Variants in PHF14 observed in about 807,000 individuals in gnomAD.
PHF14 encodes PHD finger protein 14.
In PHF14, 55 loss-of-function variants were observed where a neutral mutation model predicts 117.9. That is an observed-to-expected ratio of 0.47 (90% CI 0.38 to 0.58). PHF14 has a LOEUF of 0.58. Among genes scored for constraint, PHF14 ranks in the 20% least tolerant of loss-of-function variants. The probability of loss-of-function intolerance (pLI) is 0.00; values close to 1 mark genes in which losing one functional copy is unlikely to be tolerated. For missense variants in PHF14, 978 were observed against 1,122.2 expected, an observed-to-expected ratio of 0.87 and a Z score of 1.84; for synonymous variants, 409 against 368.6, an observed-to-expected ratio of 1.11 and a Z score of -1.26.
intron 6 of PHF14, among the ~76,000 whole-genome samples, chr7:11,026,130 G>T (rs1386193639): frequency 6.8e-6 from 1 of 146,566 alleles, no homozygotes; most frequent in African/African-American, 2.5e-5. Flanking sequence ...AAAAAAAAGA[G>T]AGAGAAATTG....
chr7:11,046,657 T>A (rs1784675423), intron 13 of PHF14, among the ~76,000 whole-genome samples: 1 of 152,174 alleles, frequency 6.6e-6, no homozygotes. Flanking sequence ...ACAGGTATTA[T>A]AACTACAAAA....
At chr7:11,086,743 T>A (rs1238877231) in intron 16 of PHF14, among the ~76,000 whole-genome samples, 1 of 152,144 alleles carries the variant, frequency 6.6e-6, no homozygotes, top group African/African-American at 2.4e-5. Context: ...ATACAAAACA[T>A]TGAAATTTTG....
At chr7:11,138,630 T>C (rs1788311860) in intron 17 of PHF14, among the ~76,000 whole-genome samples, 1 of 152,200 alleles carries the variant, frequency 6.6e-6, no homozygotes, top group African/African-American at 2.4e-5. Context: ...ATAAATCATA[T>C]ACTTAACAAA....
At chr7:11,050,563 A>G (rs994098331) in intron 13 of PHF14, among the ~76,000 whole-genome samples, 7 of 152,158 alleles carry the variant, frequency 4.6e-5, no homozygotes, top group Non-Finnish European at 1.0e-4. Flanking sequence ...AAATCAATTA[A>G]TATTAAAATG....
intron 5 of PHF14, among the ~76,000 whole-genome samples, chr7:11,017,639 A>G (rs1442836286): frequency 2.0e-5 from 3 of 151,964 alleles, no homozygotes; most frequent in Admixed American, 1.3e-4. Context: ...AACTCCTTGT[A>G]TATTCTGGTT....
At chr7:11,105,880 TAAAATC>T in intron 16 of PHF14, 1 of 957,980 alleles carries the variant, frequency 1.0e-6, no homozygotes, top group East Asian at 1.3e-4. Context: ...ATTTACATTG[TAAAATC>T]AGGATCTACA....
intron 4 of PHF14, among the ~76,000 whole-genome samples, chr7:11,011,638 A>C (rs913265492): frequency 1.3e-5 from 2 of 152,238 alleles, no homozygotes; most frequent in East Asian, 3.8e-4. Flanking sequence ...AGACTGGAGA[A>C]ATGCCCAAAC....
Position 11,084,200 on chromosome 7 carries a change from G to A in PHF14, c.2654+22115G>A, listed in dbSNP as rs576529217. On this transcript the variant is annotated intron_variant, in intron 16 of 17. Transcript: ENST00000634607. The stretch of plus-strand genomic sequence containing the variant: ...TTACAGAACTTAAACTTCAAAATAT[G>A]TACACACACACAATCTGAAAAAATG... Among the ~76,000 whole-genome samples, 5 of 152,110 alleles carry A rather than the reference G, an allele frequency of 3.3e-5. No individual in the cohort carries two copies. The East Asian group carries it at 9.7e-4, about 29-fold the overall frequency.
chr7:11,038,460 C>T (rs371024741), intron 10 of PHF14, among the ~76,000 whole-genome samples: 1 of 149,466 alleles, frequency 6.7e-6, no homozygotes, highest in African/African-American at 2.5e-5. Flanking sequence ...TAGATCGAGA[C>T]CATCCTGGCC....
At chr7:11,114,554 G>C (rs1443184817) in intron 17 of PHF14, among the ~76,000 whole-genome samples, 4 of 151,954 alleles carry the variant, frequency 2.6e-5, no homozygotes, top group African/African-American at 9.7e-5. Context: ...TAATAATATT[G>C]ATTTAATAAC....
intron 17 of PHF14, among the ~76,000 whole-genome samples, chr7:11,147,799 T>G (rs1788589823): frequency 6.6e-6 from 1 of 152,188 alleles, no homozygotes; most frequent in South Asian, 2.1e-4. Flanking sequence ...TTTGGGGGAC[T>G]TTTAAATGTG....
chr7:11,073,432 A>G (rs1041599458), intron 16 of PHF14, among the ~76,000 whole-genome samples: 1 of 152,224 alleles, frequency 6.6e-6, no homozygotes, highest in African/African-American at 2.4e-5. Context: ...CTTCGATGCC[A>G]TATCCTGCAT....
At chr7:11,043,596 G>A (rs1784568711) in intron 13 of PHF14, among the ~76,000 whole-genome samples, 1 of 152,032 alleles carries the variant, frequency 6.6e-6, no homozygotes, top group Non-Finnish European at 1.5e-5. Context: ...TGACCTCATT[G>A]TTTTATCACT....
At chr7:11,041,510 A>G (rs745725841) in intron 12 of PHF14, among the ~76,000 whole-genome samples, 3 of 151,752 alleles carry the variant, frequency 2.0e-5, no homozygotes, top group Admixed American at 6.6e-5. Flanking sequence ...TAAATACATA[A>G]ATATTCTTCT....
intron 4 of PHF14, 85 bp downstream of exon 4, chr7:10,990,932 C>G: frequency 1.1e-6 from 1 of 898,392 alleles, no homozygotes; most frequent in African/African-American, 1.7e-5. Flanking sequence ...TACAATATTT[C>G]ATGGTGTTTC....
chr7:11,061,245 G>A (rs1413577478), intron 14 of PHF14: 1 of 152,180 alleles, frequency 6.6e-6, no homozygotes, highest in African/African-American at 2.4e-5. Flanking sequence ...AGTTTAAAAT[G>A]TCATTTTATG....
At chr7:11,079,672 ACT>A (rs1310460088) in intron 16 of PHF14, among the ~76,000 whole-genome samples, 5 of 150,830 alleles carry the variant, frequency 3.3e-5, no homozygotes, top group African/African-American at 7.3e-5. Flanking sequence ...CTATAATATG[ACT>A]CTCTGTTTTC....
chr7:11,164,143 G>A (rs1322536708), intron 17 of PHF14, among the ~76,000 whole-genome samples: 6 of 152,096 alleles, frequency 3.9e-5, no homozygotes, highest in South Asian at 2.1e-4. Context: ...TGTCTGCACC[G>A]TCTCCCTTCA....
At chr7:10,981,015 T>C (rs1009237298) in intron 2 of PHF14, among the ~76,000 whole-genome samples, 1 of 152,192 alleles carries the variant, frequency 6.6e-6, no homozygotes, top group East Asian at 1.9e-4. Flanking sequence ...AATGATTTCA[T>C]AGGGTCAGTC....
Sources: gnomAD v4.1 joint callset for allele counts (sites outside exome capture counted in the v4.1 genomes callset) on GRCh38, gnomAD v4.1.1 for gene constraint, MANE v1.5 for transcripts, NCBI Gene and HGNC (gene_info 2026-07-23, HGNC 2026-07-21) for gene names.